RABGAP1L: variants seen among roughly 807,000 people sequenced by gnomAD.
RABGAP1L encodes RAB GTPase activating protein 1 like.
RABGAP1L carries 63 observed loss-of-function variants against 137.7 expected under a neutral mutation model. The ratio of observed to expected loss-of-function variants is 0.46; its 90% CI spans 0.37 to 0.56. RABGAP1L has a LOEUF of 0.56. Ranked by LOEUF, RABGAP1L falls within the 20% of genes least tolerant of loss-of-function variation. The probability of loss-of-function intolerance (pLI) is 0.00; values close to 1 mark genes in which losing one functional copy is unlikely to be tolerated. For missense variants in RABGAP1L, 1,095 were observed against 1,244.0 expected (o/e 0.88, Z 1.80); for synonymous variants, 431 against 433.7 (o/e 0.99, Z 0.08).
intron 13 of RABGAP1L, among the ~76,000 whole-genome samples, chr1:174,620,325 A>T (rs1204254863): frequency 6.6e-6 from 1 of 152,230 alleles, no homozygotes; most frequent in Non-Finnish European, 1.5e-5. Flanking sequence ...AATCAACAGA[A>T]TATACATTCT....
chr1:174,365,000 A>G (rs1055736251), intron 11 of RABGAP1L, among the ~76,000 whole-genome samples: 1 of 152,178 alleles, frequency 6.6e-6, no homozygotes, highest in Non-Finnish European at 1.5e-5. Flanking sequence ...CTGGTGTCCA[A>G]GATGCAAGAC....
At chr1:174,883,777 A>G (rs116680139) in intron 19 of RABGAP1L, among the ~76,000 whole-genome samples, 3,728 of 152,286 alleles carry the variant, frequency 0.024, 150 homozygotes, top group African/African-American at 0.085. Context: ...GGACTTAGAC[A>G]CTTGACAGTG....
chr1:174,268,218 G>C (rs80101194), intron 7 of RABGAP1L, among the ~76,000 whole-genome samples: 1 of 81,170 alleles, frequency 1.2e-5, no homozygotes, highest in African/African-American at 4.9e-5. Flanking sequence ...TTTTTTTTTT[G>C]AGACGGAGTC....
chr1:174,626,262 T>A (rs1672934530), intron 13 of RABGAP1L, among the ~76,000 whole-genome samples: 1 of 152,238 alleles, frequency 6.6e-6, no homozygotes, highest in Non-Finnish European at 1.5e-5. Flanking sequence ...CCTAGATTAC[T>A]TAGAATCTGT....
intron 13 of RABGAP1L, among the ~76,000 whole-genome samples, chr1:174,473,050 T>A (rs1293402806): frequency 6.6e-6 from 1 of 152,204 alleles, no homozygotes; most frequent in Non-Finnish European, 1.5e-5. Flanking sequence ...CTAATTATTG[T>A]CTTCAGTTGG....
Position 174,969,296 on chromosome 1 carries a change from A to C in RABGAP1L, c.2453A>C (p.Gln818Pro). ...CTGCAGAGGGAGAACCGAAGATTACAGGAGGCCAGCATGAGGTTGGAACAA... is the reference window on the plus strand; with the variant it reads ...CTGCAGAGGGAGAACCGAAGATTACCGGAGGCCAGCATGAGGTTGGAACAA... ...DRYKRENRRL[Q>P]EASMRLEQEN... Residue 818 changes from glutamine to proline, a missense_variant, in exon 21 of 26, where the codon CAG becomes CCG. Around this residue, in one of 4 missense-constraint regions of RABGAP1L, gnomAD observed 312 missense variants for 435.6 expected, o/e 0.72. Coordinates refer to ENST00000681986, the MANE Select transcript of RABGAP1L (RefSeq NM_001366446.1). 6.4e-7 allele frequency: 1 copy of C among 1,550,894 alleles called. No individual in the cohort carries two copies. The highest frequency in any genetic ancestry group is 8.7e-7 in the Non-Finnish European group (1 of 1,146,978).
At chr1:174,548,549 T>A (rs1472999648) in intron 13 of RABGAP1L, 1 of 975,720 alleles carries the variant, frequency 1.0e-6, no homozygotes, top group East Asian at 1.1e-4. Context: ...AACAGTAAAA[T>A]CACTATTTTT....
chr1:174,510,793 A>T (rs1032080900), intron 13 of RABGAP1L, among the ~76,000 whole-genome samples: 1 of 152,202 alleles, frequency 6.6e-6, no homozygotes, highest in African/African-American at 2.4e-5. Flanking sequence ...TGTAACAAAG[A>T]AATTTAATAA....
rs745786216 is a variant in RABGAP1L at position 174,272,456 on chromosome 1, C to G, written c.1029C>G (p.Asn343Lys). Residue 343 changes from asparagine (N) to lysine (K), a missense_variant, in exon 8 of 26, where the codon AAC becomes AAG. By Grantham distance (94) the Asn-to-Lys change is moderately conservative (BLOSUM62 0). This residue lies in a region of RABGAP1L where 112 missense variants were observed against 157.3 expected (regional missense o/e 0.71). Coordinates refer to ENST00000681986, the MANE Select transcript of RABGAP1L (RefSeq NM_001366446.1). ...TAAGCCCAGGTCGAAACGTGAAGAA[C>G]AGTGACATGCATTTACTGGATATGG... ...MLLSPGRNVKNSDMHLLDMES... is the reference protein window; with the variant it reads ...MLLSPGRNVKKSDMHLLDMES... 6.2e-7 allele frequency: 1 copy of G among 1,600,204 alleles called. No individual in the cohort carries two copies.
At chr1:174,260,065 C>T (rs971045141) in intron 7 of RABGAP1L, among the ~76,000 whole-genome samples, 2 of 152,054 alleles carry the variant, frequency 1.3e-5, no homozygotes, top group African/African-American at 4.8e-5. Context: ...GAACTCCTGA[C>T]CTCGTGATCT....
intron 4 of RABGAP1L, chr1:174,239,024 C>G (rs1012733065): frequency 6.5e-6 from 1 of 154,154 alleles, no homozygotes; most frequent in Non-Finnish European, 1.4e-5. Flanking sequence ...GGGAGTGACC[C>G]GATTTTCCAG....
intron 3 of RABGAP1L, among the ~76,000 whole-genome samples, chr1:174,224,647 G>A (rs1670023047): frequency 6.6e-6 from 1 of 152,084 alleles, no homozygotes; most frequent in Non-Finnish European, 1.5e-5. Flanking sequence ...TCTGCAGGAT[G>A]TGTATTAATA....
intron 11 of RABGAP1L, among the ~76,000 whole-genome samples, chr1:174,370,444 T>C (rs532695118): frequency 1.3e-5 from 2 of 150,692 alleles, no homozygotes; most frequent in South Asian, 2.1e-4. Flanking sequence ...AGTTTCAATT[T>C]TCCTTTAGTT....
intron 13 of RABGAP1L, among the ~76,000 whole-genome samples, chr1:174,597,665 A>C (rs1572449467): frequency 6.6e-6 from 1 of 151,550 alleles, no homozygotes; most frequent in Non-Finnish European, 1.5e-5. Context: ...TTTTCGAAAA[A>C]TTTTTCAAAA....
At chr1:174,533,810 A>G (rs1664646455) in intron 13 of RABGAP1L, among the ~76,000 whole-genome samples, 2 of 152,162 alleles carry the variant, frequency 1.3e-5, no homozygotes, top group African/African-American at 4.8e-5. Flanking sequence ...AGCTGGGATT[A>G]CAGGTGCCCG....
At chr1:174,186,644 A>G (rs890874791) in intron 1 of RABGAP1L, among the ~76,000 whole-genome samples, 1 of 152,182 alleles carries the variant, frequency 6.6e-6, no homozygotes, top group Non-Finnish European at 1.5e-5. Context: ...TTGACCTGTT[A>G]CTACTCAGTT....
chr1:174,988,219 C>T (rs974808996), intron 24 of RABGAP1L, among the ~76,000 whole-genome samples: 1 of 152,194 alleles, frequency 6.6e-6, no homozygotes, highest in Non-Finnish European at 1.5e-5. Flanking sequence ...CTTCCTCAGT[C>T]TACTACAGGC....
At chr1:174,620,141 G>A (rs1025350438) in intron 13 of RABGAP1L, among the ~76,000 whole-genome samples, 13 of 152,014 alleles carry the variant, frequency 8.6e-5, no homozygotes, top group African/African-American at 2.4e-4. Flanking sequence ...AATGGAAGCC[G>A]TTAGAGACCT....
At position 174,269,646 on chromosome 1, in the gene RABGAP1L, A is replaced by T. The variant is rs1327601147; in HGVS notation, c.987-2768A>T. On this transcript the variant is annotated intron_variant, in intron 7 of 25. Coordinates refer to ENST00000681986, the MANE Select transcript of RABGAP1L (RefSeq NM_001366446.1). ...TAATAATTGATATAATAGCATCATCAGCTCATTCTCAGGAGGTTGATTTCA... is the reference window on the plus strand; with the variant it reads ...TAATAATTGATATAATAGCATCATCTGCTCATTCTCAGGAGGTTGATTTCA... Among the ~76,000 whole-genome samples, 3 of 152,364 alleles carry T rather than the reference A, an allele frequency of 2.0e-5. No individual in the cohort carries two copies. The East Asian group carries it at 5.8e-4, about 29-fold the overall frequency.
Sources: gnomAD v4.1 joint callset for allele counts (sites outside exome capture counted in the v4.1 genomes callset) on GRCh38, gnomAD v4.1.1 for gene constraint, gnomAD v4.1.1 regional missense constraint, MANE v1.5 for transcripts, NCBI Gene and HGNC (gene_info 2026-07-23, HGNC 2026-07-21) for gene names.